KCNB2: variants seen among roughly 807,000 people sequenced by gnomAD.
KCNB2 encodes the protein delayed rectifier potassium channel protein.
In KCNB2, 15 loss-of-function variants were observed where a neutral mutation model predicts 61.5. That is an observed-to-expected ratio of 0.24 (90% CI 0.16 to 0.38). KCNB2 has a LOEUF of 0.38. KCNB2 is among the 10% of genes least tolerant of loss of function. The pLI is 1.00. For synonymous variants in KCNB2, 457 were observed against 446.0 expected (o/e 1.02, Z -0.31); for missense variants, 828 against 1,125.2 (o/e 0.74, Z 3.78).
intron 2 of KCNB2, among the ~76,000 whole-genome samples, chr8:72,713,870 G>A (rs957861587): frequency 1.3e-5 from 2 of 152,200 alleles, no homozygotes; most frequent in South Asian, 2.1e-4. Flanking sequence ...CCGAGCTAAA[G>A]GAGGAAGTTC....
At chr8:72,578,371 G>C (rs1285783641) in intron 2 of KCNB2, among the ~76,000 whole-genome samples, 1 of 152,186 alleles carries the variant, frequency 6.6e-6, no homozygotes, top group Admixed American at 6.5e-5. Flanking sequence ...ATATGAAATA[G>C]TAGGCCAGAA....
At chr8:72,618,915 T>C in intron 2 of KCNB2, 1 of 332,382 alleles carries the variant, frequency 3.0e-6, no homozygotes, top group Non-Finnish European at 5.9e-6. Flanking sequence ...TACTAGGGAC[T>C]GATGAAATGG....
chr8:72,778,678 T>C (rs1808698837), intron 2 of KCNB2, among the ~76,000 whole-genome samples: 1 of 122,776 alleles, frequency 8.1e-6, no homozygotes, highest in Admixed American at 1.2e-4. Flanking sequence ...AAGGCTGCAG[T>C]AAGCTGTGAT....
At chr8:72,720,291 T>C (rs375572013) in intron 2 of KCNB2, among the ~76,000 whole-genome samples, 1 of 152,188 alleles carries the variant, frequency 6.6e-6, no homozygotes, top group Non-Finnish European at 1.5e-5. Flanking sequence ...TGGTCATGTA[T>C]AGAAGACATG....
At chr8:72,921,324 A>G (rs944939070) in intron 2 of KCNB2, among the ~76,000 whole-genome samples, 3 of 152,080 alleles carry the variant, frequency 2.0e-5, no homozygotes, top group Non-Finnish European at 4.4e-5. Flanking sequence ...TATTAAATTG[A>G]TTTATAACCC....
At position 72,571,490 on chromosome 8, in the gene KCNB2, C is replaced by T. The variant is rs568899356; in HGVS notation, c.579+3177C>T. Reference sequence around the variant, plus strand: ...TATATAGAAAACCATGAAATATAATCGTACTATTCAAAATATAATGACAGG... The same window carrying T: ...TATATAGAAAACCATGAAATATAATTGTACTATTCAAAATATAATGACAGG... On this transcript the variant is annotated intron_variant, in intron 2 of 2. Transcript: ENST00000523207. 4.6e-5 allele frequency among the ~76,000 whole-genome samples: 7 copies of T among 152,244 alleles called. 1 individual carries two copies. The highest frequency in any genetic ancestry group is 3.3e-4 in the Admixed American group (5 of 15,290).
chr8:72,883,089 A>C (rs7829474), intron 2 of KCNB2, among the ~76,000 whole-genome samples: 137,703 of 152,264 alleles, frequency 0.9, 63,025 homozygotes, highest in Middle Eastern at 0.97. Context: ...CTTTTACAAT[A>C]TGATGCGAAG....
rs143365774 is a variant in KCNB2 at position 72,568,327 on chromosome 8, A to T, written c.579+14A>T. On this transcript the variant is annotated intron_variant, in intron 2 of 2. Coordinates refer to ENST00000523207, the MANE Select transcript of KCNB2 (RefSeq NM_004770.3). ...GTGGCTGCAAAGGTATGAAACCCATAGTATTGCTTGCCTGTGTGTGGTCAG... is the reference window on the plus strand; with the variant it reads ...GTGGCTGCAAAGGTATGAAACCCATTGTATTGCTTGCCTGTGTGTGGTCAG... 1,631 of 1,589,824 alleles carry T rather than the reference A, an allele frequency of 1.0e-3. 14 individuals carry two copies. The African/African-American group carries it at 0.019, about 19-fold the overall frequency.
At chr8:72,598,293 A>G (rs1190187905) in intron 2 of KCNB2, among the ~76,000 whole-genome samples, 1 of 151,924 alleles carries the variant, frequency 6.6e-6, no homozygotes, top group Non-Finnish European at 1.5e-5. Flanking sequence ...AGGCTGGTTC[A>G]ACATATGAAA....
At chr8:72,587,217 G>A (rs138738214) in intron 2 of KCNB2, among the ~76,000 whole-genome samples, 2,163 of 152,096 alleles carry the variant, frequency 0.014, 49 homozygotes, top group African/African-American at 0.05. Context: ...TTGTTTCCTG[G>A]CTTTTCACCC....
chr8:72,894,169 G>A (rs1192597221), intron 2 of KCNB2, among the ~76,000 whole-genome samples: 2 of 152,206 alleles, frequency 1.3e-5, no homozygotes, highest in African/African-American at 4.8e-5. Flanking sequence ...GGAGGAGCCA[G>A]CAATGCAACA....
chr8:72,717,611 T>A (rs1286122174), intron 2 of KCNB2, among the ~76,000 whole-genome samples: 5 of 152,144 alleles, frequency 3.3e-5, no homozygotes, highest in African/African-American at 1.2e-4. Context: ...GCTAGCCATA[T>A]GTAGAAAGCT....
chr8:72,884,846 CT>C (rs1166798287), intron 2 of KCNB2, among the ~76,000 whole-genome samples: 3 of 152,190 alleles, frequency 2.0e-5, no homozygotes, highest in Non-Finnish European at 4.4e-5. Flanking sequence ...GTCCCACTAT[CT>C]TTTGTATTTC....
intron 1 of KCNB2, among the ~76,000 whole-genome samples, chr8:72,542,355 G>A (rs893206892): frequency 6.6e-6 from 1 of 151,970 alleles, no homozygotes; most frequent in African/African-American, 2.4e-5. Flanking sequence ...CCTACAATTG[G>A]CTTATTAGAT....
Position 72,861,328 on chromosome 8 carries a change from G to A in KCNB2, c.580-74607G>A, listed in dbSNP as rs537190087. 5.9e-5 allele frequency among the ~76,000 whole-genome samples: 9 copies of A among 152,164 alleles called. 1 individual carries two copies. The highest frequency in any genetic ancestry group is 3.3e-4 in the Admixed American group (5 of 15,296). ...TGTCATTTGTTATAATGCAATTTTG[G>A]CAAAAATAAGAATTTGATCATATCC... On this transcript the variant is annotated intron_variant, in intron 2 of 2. Transcript: ENST00000523207.
chr8:72,549,146 T>C (rs893296816), intron 1 of KCNB2, among the ~76,000 whole-genome samples: 1 of 152,334 alleles, frequency 6.6e-6, no homozygotes, highest in South Asian at 2.1e-4. Context: ...TCTGAAGTTA[T>C]AGACCTGCCT....
chr8:72,603,533 G>A (rs983778657), intron 2 of KCNB2, among the ~76,000 whole-genome samples: 1 of 152,146 alleles, frequency 6.6e-6, no homozygotes, highest in African/African-American at 2.4e-5. Flanking sequence ...GTCAGTACAG[G>A]AGCAGATCAC....
intron 1 of KCNB2, among the ~76,000 whole-genome samples, chr8:72,541,643 A>G (rs901801163): frequency 2.0e-5 from 3 of 152,120 alleles, no homozygotes; most frequent in African/African-American, 7.2e-5. Context: ...AAAAAGGCCA[A>G]AAGTAAGAGA....
At chr8:72,737,666 A>T (rs1336573067) in intron 2 of KCNB2, among the ~76,000 whole-genome samples, 1 of 152,146 alleles carries the variant, frequency 6.6e-6, no homozygotes, top group African/African-American at 2.4e-5. Context: ...TACTAAATTT[A>T]TTAGTACTAA....
Sources: gnomAD v4.1 joint callset for allele counts (sites outside exome capture counted in the v4.1 genomes callset) on GRCh38, gnomAD v4.1.1 for gene constraint, MANE v1.5 for transcripts, NCBI Gene and HGNC (gene_info 2026-07-23, HGNC 2026-07-21) for gene names.